NTRK2: variants seen among roughly 807,000 people sequenced by gnomAD.
NTRK2 encodes the protein BDNF/NT-3 growth factors receptor.
Under a neutral mutation model 94.5 loss-of-function variants are expected in NTRK2, and 13 were observed. The ratio of observed to expected loss-of-function variants is 0.14; its 90% CI spans 0.09 to 0.22. NTRK2 has a LOEUF of 0.22. Ranked by LOEUF, NTRK2 falls within the 10% of genes least tolerant of loss-of-function variation. NTRK2 has a pLI of 1.00. For synonymous variants in NTRK2, 372 were observed against 407.4 expected (o/e 0.91, Z 1.05); for missense variants, 639 against 1,071.2 (o/e 0.60, Z 5.63).
chr9:84,810,781 T>G, intron 12 of NTRK2: 1 of 1,423,862 alleles, frequency 7.0e-7, no homozygotes, highest in Non-Finnish European at 9.2e-7. Context: ...GGAACACCAA[T>G]GCAGAGGTAA....
chr9:84,918,386 G>C (rs1343935069), intron 14 of NTRK2, among the ~76,000 whole-genome samples: 2 of 152,196 alleles, frequency 1.3e-5, no homozygotes, highest in African/African-American at 4.8e-5. Flanking sequence ...TCACCTGCAT[G>C]TCCTTGCCTG....
chr9:84,837,836 T>C (rs1205475783), intron 12 of NTRK2, among the ~76,000 whole-genome samples: 1 of 152,206 alleles, frequency 6.6e-6, no homozygotes, highest in African/African-American at 2.4e-5. Context: ...TGCCATGTCA[T>C]ATACCAACAG....
At chr9:84,677,628 A>AAAG (rs1373733637) in intron 2 of NTRK2, among the ~76,000 whole-genome samples, 1 of 152,178 alleles carries the variant, frequency 6.6e-6, no homozygotes, top group East Asian at 1.9e-4. Context: ...AAAGCAGAGC[A>AAAG]TAATTTAGGG....
At chr9:85,005,469 G>A (rs763740921) in intron 17 of NTRK2, among the ~76,000 whole-genome samples, 6 of 152,158 alleles carry the variant, frequency 3.9e-5, no homozygotes, top group Non-Finnish European at 8.8e-5. Context: ...TGTATTTGTT[G>A]TAAAACCCCA....
chr9:84,888,649 A>AAAAAG (rs2076494237), intron 14 of NTRK2, among the ~76,000 whole-genome samples: 13 of 141,088 alleles, frequency 9.2e-5, no homozygotes, highest in East Asian at 2.1e-4. Flanking sequence ...AAAAAAAAAA[A>AAAAAG]GTGGCAGAGA....
intron 2 of NTRK2, among the ~76,000 whole-genome samples, chr9:84,675,955 A>T (rs1045972196): frequency 9.9e-5 from 15 of 152,184 alleles, no homozygotes; most frequent in African/African-American, 3.4e-4. Flanking sequence ...GATCTGGGAG[A>T]TGGATGAGTG....
chr9:84,797,766 TAA>T (rs1225717088), intron 12 of NTRK2, among the ~76,000 whole-genome samples: 3 of 19,826 alleles, frequency 1.5e-4, no homozygotes, highest in African/African-American at 4.8e-4. Flanking sequence ...TATACTATAA[TAA>T]TATATATAAT....
chr9:84,716,464 T>C (rs1719861368), intron 6 of NTRK2, among the ~76,000 whole-genome samples: 1 of 152,228 alleles, frequency 6.6e-6, no homozygotes, highest in African/African-American at 2.4e-5. Context: ...CTCCTTCTTT[T>C]GTTCGTGTTG....
intron 9 of NTRK2, among the ~76,000 whole-genome samples, chr9:84,738,681 C>A (rs767206490): frequency 3.9e-5 from 6 of 152,190 alleles, no homozygotes; most frequent in Non-Finnish European, 7.3e-5. Context: ...GGTCTCTATC[C>A]TCTCACGTGC....
intron 9 of NTRK2, among the ~76,000 whole-genome samples, chr9:84,730,836 G>A (rs955535991): frequency 1.0e-4 from 11 of 105,504 alleles, no homozygotes; most frequent in Non-Finnish European, 2.0e-4. Context: ...TACTTTCCAA[G>A]TTAACAACAG....
intron 14 of NTRK2, among the ~76,000 whole-genome samples, chr9:84,903,767 T>C (rs1053060917): frequency 6.6e-6 from 1 of 151,870 alleles, no homozygotes; most frequent in Non-Finnish European, 1.5e-5. Context: ...TCTCAGATTA[T>C]AGAAAAGACA....
chr9:85,010,670 G>A (rs1451851801), intron 17 of NTRK2, among the ~76,000 whole-genome samples: 2 of 152,136 alleles, frequency 1.3e-5, no homozygotes, highest in Non-Finnish European at 2.9e-5. Flanking sequence ...GTCAGCAGGA[G>A]GGGAAGAACA....
chr9:84,971,663 T>C (rs1273440635), intron 17 of NTRK2, among the ~76,000 whole-genome samples: 3 of 152,158 alleles, frequency 2.0e-5, no homozygotes, highest in African/African-American at 7.2e-5. Context: ...TTTGTGATCA[T>C]AAAAGCAATG....
At chr9:84,905,277 T>G (rs201398164) in intron 14 of NTRK2, among the ~76,000 whole-genome samples, 8 of 7,152 alleles carry the variant, frequency 1.1e-3, no homozygotes, top group East Asian at 4.9e-3. Flanking sequence ...TTTTAGAGGG[T>G]GTGTGTGTGT....
At chr9:84,948,398 C>G (rs2132878399) in intron 15 of NTRK2, 64 bp from the exon 16 acceptor site, 1 of 1,512,190 alleles carries the variant, frequency 6.6e-7, no homozygotes, top group Non-Finnish European at 9.1e-7. Context: ...AGATGGATGT[C>G]TTTCCTATCT....
chr9:84,982,073 C>A (rs1267797479), intron 17 of NTRK2, among the ~76,000 whole-genome samples: 2 of 152,236 alleles, frequency 1.3e-5, no homozygotes, highest in Non-Finnish European at 2.9e-5. Flanking sequence ...TTAGTACTTA[C>A]ATGCAATAGT....
intron 12 of NTRK2, among the ~76,000 whole-genome samples, chr9:84,848,706 T>C (rs1355984979): frequency 6.6e-6 from 1 of 152,234 alleles, no homozygotes; most frequent in Non-Finnish European, 1.5e-5. Flanking sequence ...TAATCACTCA[T>C]GTATTCCAAC....
chr9:84,751,104 A>G (rs915681641), intron 11 of NTRK2, among the ~76,000 whole-genome samples: 6 of 152,216 alleles, frequency 3.9e-5, no homozygotes, highest in African/African-American at 1.4e-4. Flanking sequence ...TGACAAGTGG[A>G]ACTCACCCCA....
chr9:84,792,626 G>A (rs535578494), intron 12 of NTRK2, among the ~76,000 whole-genome samples: 5 of 152,298 alleles, frequency 3.3e-5, no homozygotes, highest in Admixed American at 1.3e-4. Context: ...GTGGTCAAAC[G>A]TAGACATTTT....
Sources: allele counts gnomAD v4.1 joint callset (sites outside exome capture counted in the v4.1 genomes callset), GRCh38; gene constraint gnomAD v4.1.1; transcripts MANE v1.5; gene names NCBI Gene and HGNC (gene_info 2026-07-23, HGNC 2026-07-21).